FRAS1: variants seen among roughly 807,000 people sequenced by gnomAD.
The protein encoded by FRAS1 is Fraser extracellular matrix complex subunit 1, also known as extracellular matrix organizing protein FRAS1.
FRAS1 carries 290 observed loss-of-function variants against 435.2 expected under a neutral mutation model. The observed-to-expected ratio is 0.67, with a 90% CI of 0.61 to 0.73. The LOEUF (loss-of-function observed/expected upper bound fraction) is 0.73, where lower values mean the gene tolerates loss of function less well. Among genes scored for constraint, FRAS1 ranks in the 30% least tolerant of loss-of-function variants. The probability of loss-of-function intolerance (pLI) is 0.00; values close to 1 mark genes in which losing one functional copy is unlikely to be tolerated. For missense variants in FRAS1, 4,860 were observed against 5,001.5 expected, an observed-to-expected ratio of 0.97 and a Z score of 0.85; for synonymous variants, 1,800 against 1,851.0, an observed-to-expected ratio of 0.97 and a Z score of 0.71.
At chr4:78,172,991 A>G (rs999762467) in intron 2 of FRAS1, among the ~76,000 whole-genome samples, 28 of 151,688 alleles carry the variant, frequency 1.8e-4, no homozygotes, top group African/African-American at 6.7e-4. Flanking sequence ...TGACACCCAA[A>G]AAAGAGAAAC....
intron 2 of FRAS1, among the ~76,000 whole-genome samples, chr4:78,072,486 A>G (rs1203304854): frequency 6.6e-6 from 1 of 152,182 alleles, no homozygotes; most frequent in South Asian, 2.1e-4. Context: ...ACCACAAACA[A>G]TTAGTGAATG....
intron 49 of FRAS1, among the ~76,000 whole-genome samples, chr4:78,465,140 A>G (rs1263494973): frequency 6.6e-6 from 1 of 152,214 alleles, no homozygotes; most frequent in Non-Finnish European, 1.5e-5. Flanking sequence ...TCATACTGCC[A>G]CACTTATTAA....
At chr4:78,506,162 A>G (rs62310269) in intron 61 of FRAS1, among the ~76,000 whole-genome samples, 49,880 of 152,018 alleles carry the variant, frequency 0.33, 8,888 homozygotes, top group South Asian at 0.52. Flanking sequence ...GGTGTCCGTC[A>G]GCTGCCACTG....
At chr4:78,250,465 A>G (rs1725480347) in intron 4 of FRAS1, among the ~76,000 whole-genome samples, 1 of 152,208 alleles carries the variant, frequency 6.6e-6, no homozygotes, top group South Asian at 2.1e-4. Flanking sequence ...TTTCACTATA[A>G]AGAACAATAG....
At chr4:78,412,321 G>A (rs1733370798) in intron 31 of FRAS1, among the ~76,000 whole-genome samples, 1 of 152,234 alleles carries the variant, frequency 6.6e-6, no homozygotes, top group African/African-American at 2.4e-5. Flanking sequence ...GAAGGTTTAA[G>A]AGGGTGGTCC....
chr4:78,114,261 G>T (rs111836912), intron 2 of FRAS1, among the ~76,000 whole-genome samples: 1 of 152,084 alleles, frequency 6.6e-6, no homozygotes, highest in Non-Finnish European at 1.5e-5. Context: ...GTCAGGTAGC[G>T]TGATGCCTCC....
intron 2 of FRAS1, among the ~76,000 whole-genome samples, chr4:78,117,381 C>G (rs1044578753): frequency 6.6e-6 from 1 of 152,166 alleles, no homozygotes; most frequent in African/African-American, 2.4e-5. Context: ...GTTGGCCTGC[C>G]TTGCTAGATT....
chr4:78,344,868 A>C (rs879839916), intron 20 of FRAS1, among the ~76,000 whole-genome samples: 2 of 152,230 alleles, frequency 1.3e-5, no homozygotes, highest in South Asian at 2.1e-4. Context: ...CATTTACTTT[A>C]ATCTTTTCCA....
chr4:78,511,316 T>A lies in FRAS1; in HGVS notation c.9823T>A (p.Cys3275Ser). ...IYFSRRFHVR[C>S]VAKAVDKVGH... ...CTTCAGCCGGAGGTTCCATGTGCGT[T>A]GTGTGGCCAAGGCTGTGGACAAGGT... The change falls in exon 64 of 74, where the codon TGT becomes AGT. Residue 3275 changes from cysteine to serine, a missense_variant. Transcript: ENST00000512123. The A allele has an allele frequency of 1.9e-6, 3 of 1,609,926 alleles. No individual in the cohort carries two copies. The highest frequency in any genetic ancestry group is 2.5e-6 in the Non-Finnish European group (3 of 1,176,674).
intron 2 of FRAS1, among the ~76,000 whole-genome samples, chr4:78,132,312 A>G (rs2109984728): frequency 6.6e-6 from 1 of 152,330 alleles, no homozygotes; most frequent in South Asian, 2.1e-4. Flanking sequence ...ACAAGGAATC[A>G]GGTCATTGTT....
Position 78,508,722 on chromosome 4 carries a change from C to CT in FRAS1, c.9505-6dup. Reference sequence around the variant, plus strand: ...CAACCTGAACTGAAGCTTTGTTGCTCTTTCGCAGGTGGTCACACTTGCTGA... The same window carrying CT: ...CAACCTGAACTGAAGCTTTGTTGCTCTTTTCGCAGGTGGTCACACTTGCTGA... On this transcript the variant is annotated splice_polypyrimidine_tract_variant and intron_variant, in intron 62 of 73. Coordinates refer to ENST00000512123, the MANE Select transcript of FRAS1 (RefSeq NM_025074.7). The CT allele has an allele frequency of 1.2e-6, 2 of 1,613,514 alleles. No homozygotes were observed. The highest frequency in any genetic ancestry group is 1.7e-6 in the Non-Finnish European group (2 of 1,179,668).
At chr4:78,231,048 G>A (rs1238200779) in intron 2 of FRAS1, among the ~76,000 whole-genome samples, 1 of 151,998 alleles carries the variant, frequency 6.6e-6, no homozygotes, top group Non-Finnish European at 1.5e-5. Flanking sequence ...TCCGCCTCCC[G>A]GGTTCAAACG....
intron 2 of FRAS1, among the ~76,000 whole-genome samples, chr4:78,221,683 CT>C (rs887510517): frequency 2.6e-5 from 4 of 152,146 alleles, no homozygotes; most frequent in African/African-American, 9.7e-5. Flanking sequence ...ATTAAACCAC[CT>C]TGTGTGTGTT....
intron 71 of FRAS1, among the ~76,000 whole-genome samples, chr4:78,536,191 A>ATTT (rs11355997): frequency 6.1e-4 from 63 of 103,976 alleles, no homozygotes; most frequent in African/African-American, 1.0e-3. Flanking sequence ...TTGTACATGG[A>ATTT]TTTTTTTTTT....
chr4:78,475,865 A>T (rs895320633), intron 54 of FRAS1, among the ~76,000 whole-genome samples: 3 of 152,308 alleles, frequency 2.0e-5, no homozygotes, highest in African/African-American at 7.2e-5. Context: ...TGACAAAAAG[A>T]AGTCTCCAAG....
chr4:78,368,792 A>G (rs1731380583), intron 22 of FRAS1, among the ~76,000 whole-genome samples: 1 of 152,198 alleles, frequency 6.6e-6, no homozygotes, highest in Non-Finnish European at 1.5e-5. Flanking sequence ...AGAGTTAAAG[A>G]CTCGGAGATT....
intron 19 of FRAS1, among the ~76,000 whole-genome samples, chr4:78,335,836 A>G (rs907643813): frequency 6.6e-6 from 1 of 151,980 alleles, no homozygotes; most frequent in African/African-American, 2.4e-5. Flanking sequence ...TGGGATTAGT[A>G]CAGAATTTTG....
chr4:78,452,000 G>T (rs1468388249), intron 46 of FRAS1, 109 bp downstream of exon 46: 2 of 1,310,470 alleles, frequency 1.5e-6, no homozygotes, highest in South Asian at 2.9e-5. Context: ...TACCTAGCTG[G>T]TGTGGAAACT....
intron 7 of FRAS1, among the ~76,000 whole-genome samples, chr4:78,265,938 A>T (rs1056836337): frequency 1.3e-5 from 2 of 152,212 alleles, no homozygotes; most frequent in African/African-American, 4.8e-5. Flanking sequence ...AAGGATTTTT[A>T]TATGTGCTAG....
Sources: gnomAD v4.1 joint callset for allele counts (sites outside exome capture counted in the v4.1 genomes callset) on GRCh38, gnomAD v4.1.1 for gene constraint, MANE v1.5 for transcripts, NCBI Gene and HGNC (gene_info 2026-07-23, HGNC 2026-07-21) for gene names.